ANK2: variants seen among roughly 807,000 people sequenced by gnomAD.
ANK2 encodes the protein ankyrin-2.
Under a neutral mutation model 360.5 loss-of-function variants are expected in ANK2, and 83 were observed. The observed-to-expected ratio is 0.23, with a 90% CI of 0.19 to 0.28. The LOEUF (loss-of-function observed/expected upper bound fraction) is 0.28, where lower values mean the gene tolerates loss of function less well. ANK2 is among the 10% of genes least tolerant of loss of function. The pLI, the probability that ANK2 is intolerant of heterozygous loss-of-function variation, is 1.00. For synonymous variants in ANK2, 1,740 were observed against 1,759.5 expected, an observed-to-expected ratio of 0.99 and a Z score of 0.28; for missense variants, 4,201 against 4,795.7, an observed-to-expected ratio of 0.88 and a Z score of 3.66.
chr4:113,238,303 T>C lies in ANK2; in HGVS notation c.693+681T>C, dbSNP rs903653277. The stretch of plus-strand genomic sequence containing the variant: ...CAGAGAGAGACACTAACACGAACAT[T>C]GTTGATGTATATTATACAAACTAAC... On this transcript the variant is annotated intron_variant, in intron 7 of 45. Transcript: ENST00000357077. Among the ~76,000 whole-genome samples the C allele has an allele frequency of 6.6e-5, 10 of 152,224 alleles. No homozygotes were observed. In the East Asian group the frequency reaches 1.9e-3, roughly 29 times the overall value.
rs977373748 is a variant in ANK2, at chr4:113,382,856, GT to G, written c.*1388del. 22 of 152,194 alleles carry G rather than the reference GT, an allele frequency of 1.4e-4. No homozygotes were observed. Among genetic ancestry groups the G allele is most frequent in the African/African-American group, 5.1e-4 (21 of 41,498 alleles). The allele number at this position is 152,194 out of a possible 1,614,324, so 9.4% of individuals were successfully genotyped here. A position where few individuals can be genotyped will look rare whatever the true frequency, so the allele number is the denominator to read the frequency against. ...AATTTGGTTTTGGTTAAAATTTTTG[GT>G]TTATTTATTTGAAATCCACACTCCC... On this transcript the variant is annotated 3_prime_UTR_variant, in exon 46 of 46. Coordinates refer to ENST00000357077, the MANE Select transcript of ANK2 (RefSeq NM_001148.6).
intron 4 of ANK2, among the ~76,000 whole-genome samples, chr4:113,222,391 ATTTT>A (rs397880062): frequency 2.4e-5 from 3 of 122,468 alleles, no homozygotes; most frequent in African/African-American, 3.2e-5. Flanking sequence ...CTCTGAAACA[ATTTT>A]TTTTTTTTTT....
chr4:113,273,692 A>G (rs1328431184), intron 14 of ANK2, among the ~76,000 whole-genome samples: 2 of 152,226 alleles, frequency 1.3e-5, no homozygotes, highest in Non-Finnish European at 2.9e-5. Context: ...CTGGTTCTCT[A>G]AACACTGAAA....
chr4:113,320,508 C>T (rs924707420), intron 26 of ANK2, among the ~76,000 whole-genome samples: 32 of 151,900 alleles, frequency 2.1e-4, no homozygotes, highest in African/African-American at 5.8e-4. Flanking sequence ...AAAAATTAGC[C>T]GGGCGTGGTG....
chr4:113,021,493 G>C (rs909193711), intron 2 of ANK2, among the ~76,000 whole-genome samples: 1 of 135,834 alleles, frequency 7.4e-6, no homozygotes, highest in East Asian at 2.1e-4. Context: ...ATGTGTATGT[G>C]TATGTATATA....
At chr4:113,162,053 CTG>C (rs1395368344) in intron 1 of ANK2, among the ~76,000 whole-genome samples, 1 of 152,184 alleles carries the variant, frequency 6.6e-6, no homozygotes, top group Non-Finnish European at 1.5e-5. Context: ...CAAAACCAAA[CTG>C]TGTTCTTCTC....
In ANK2 at chr4:113,363,250, A is replaced by G. The variant is rs2096331943; in HGVS notation, c.10757-88A>G. The G allele has an allele frequency of 5.2e-6, 7 of 1,339,196 alleles. No homozygotes were observed. The East Asian group carries it at 1.2e-4, about 23-fold the overall frequency. 83.0% of individuals were successfully genotyped at this position (1,339,196 alleles called of 1,614,324 possible). The stretch of plus-strand genomic sequence containing the variant: ...CTCAAATACTCACCACAATATAAAG[A>G]ACACATCATTTACAAAATCACAAAG... On this transcript the variant is annotated intron_variant, in intron 39 of 45. Coordinates refer to ENST00000357077, the MANE Select transcript of ANK2 (RefSeq NM_001148.6).
chr4:112,804,242 G>A, the ANK2 span, among the ~76,000 whole-genome samples: 2 of 151,996 alleles, frequency 1.3e-5, no homozygotes, highest in East Asian at 3.9e-4. Flanking sequence ...GGATGGTCTC[G>A]ATCTCCTGAC....
intron 30 of ANK2, chr4:113,336,345 T>C: frequency 1.7e-6 from 1 of 582,336 alleles, no homozygotes; most frequent in Non-Finnish European, 2.9e-6. Flanking sequence ...TGTTAAAGAA[T>C]CAGATTATTC....
At chr4:113,278,411 C>T in intron 16 of ANK2, 49 bp from the exon 17 acceptor site, 1 of 1,512,288 alleles carries the variant, frequency 6.6e-7, no homozygotes, top group Non-Finnish European at 9.2e-7. Flanking sequence ...AGCTTCAGGG[C>T]AGCTAACCCT....
chr4:113,132,254 A>G (rs1195569546), intron 1 of ANK2, among the ~76,000 whole-genome samples: 4 of 152,128 alleles, frequency 2.6e-5, no homozygotes, highest in Non-Finnish European at 5.9e-5. Context: ...ATTTATCTGT[A>G]TTCTATATAG....
chr4:112,802,033 G>A, the ANK2 span, among the ~76,000 whole-genome samples: 1 of 151,950 alleles, frequency 6.6e-6, no homozygotes, highest in East Asian at 1.9e-4. Context: ...AGGATCTGGT[G>A]ACTTTTGTTG....
At chr4:113,197,230 A>G (rs1231695504) in intron 3 of ANK2, among the ~76,000 whole-genome samples, 1 of 152,214 alleles carries the variant, frequency 6.6e-6, no homozygotes, top group African/African-American at 2.4e-5. Flanking sequence ...TGTTAGGGCA[A>G]TATTAGATTT....
At chr4:113,093,799 G>A (rs951220130) in intron 1 of ANK2, among the ~76,000 whole-genome samples, 1 of 152,092 alleles carries the variant, frequency 6.6e-6, no homozygotes. Context: ...CACCAAATAA[G>A]ACAGTAACTT....
At chr4:112,727,114 A>G in the ANK2 span, among the ~76,000 whole-genome samples, 7 of 152,052 alleles carry the variant, frequency 4.6e-5, no homozygotes, top group African/African-American at 1.4e-4. Flanking sequence ...GTTTAACTCA[A>G]ATTTTTATAT....
At chr4:113,159,596 C>G (rs1202807455) in intron 1 of ANK2, among the ~76,000 whole-genome samples, 2 of 151,520 alleles carry the variant, frequency 1.3e-5, no homozygotes, top group Non-Finnish European at 2.9e-5. Context: ...ATTATAGTTT[C>G]TTATTTCTTT....
rs2060788609 is a variant in ANK2, at chr4:113,277,840, G to A, written c.1687G>A (p.Gly563Ser). 1 of 1,610,658 alleles carries A rather than the reference G, an allele frequency of 6.2e-7. No individual in the cohort carries two copies. Residue 563 changes from glycine (G) to serine (S), a missense_variant, in exon 16 of 46, where the codon GGT (glycine) becomes AGT (serine). By Grantham distance (56) the Gly-to-Ser change is moderately conservative. Transcript: ENST00000357077. Reference sequence around the variant, plus strand: ...CTTTTGTTTCTCACATTTTCAGAAGGGTTTTACTCCCCTGCATGTAGCAGC... The same window carrying A: ...CTTTTGTTTCTCACATTTTCAGAAGAGTTTTACTCCCCTGCATGTAGCAGC... Reference protein sequence around the residue: ...GAAHSLATKKGFTPLHVAAKY... With the variant: ...GAAHSLATKKSFTPLHVAAKY...
At chr4:113,376,113 A>C (rs1318999338) in intron 45 of ANK2, among the ~76,000 whole-genome samples, 3 of 152,212 alleles carry the variant, frequency 2.0e-5, no homozygotes, top group Non-Finnish European at 2.9e-5. Flanking sequence ...CCTAGTGTTC[A>C]CTAGGCATAA....
At chr4:112,844,563 A>G (rs2062866188) in intron 1 of ANK2, among the ~76,000 whole-genome samples, 1 of 152,238 alleles carries the variant, frequency 6.6e-6, no homozygotes, top group South Asian at 2.1e-4. Context: ...TGATCCATCC[A>G]TGTATACTTT....
Sources: allele counts gnomAD v4.1 joint callset (sites outside exome capture counted in the v4.1 genomes callset), GRCh38; gene constraint gnomAD v4.1.1; transcripts MANE v1.5; gene names NCBI Gene and HGNC (gene_info 2026-07-23, HGNC 2026-07-21).